MED6: variants seen among roughly 807,000 people sequenced by gnomAD.
MED6 encodes mediator complex subunit 6, also known as mediator of RNA polymerase II transcription subunit 6.
In MED6, 33 loss-of-function variants were observed where a neutral mutation model predicts 37.5. The ratio of observed to expected loss-of-function variants is 0.88; its 90% CI spans 0.67 to 1.18. The LOEUF (loss-of-function observed/expected upper bound fraction) is 1.18, where lower values mean the gene tolerates loss of function less well. Among genes scored for constraint, MED6 ranks in the 50% most tolerant of loss-of-function variants. MED6 has a pLI of 0.00. For synonymous variants in MED6, 94 were observed against 93.6 expected (o/e 1.00, Z -0.02); for missense variants, 235 against 290.6 (o/e 0.81, Z 1.39).
chr14:70,595,662 G>T (rs548313864), intron 3 of MED6: 25 of 959,786 alleles, frequency 2.6e-5, no homozygotes, highest in Non-Finnish European at 3.6e-5. Context: ...GCTGTAGGCT[G>T]AGATCACCAC....
rs138226561 is a variant in MED6 at position 70,598,235 on chromosome 14, T to A, written c.23-458A>T. ...CTTGCACCCAGAAGGTCTCGGAGAT[T>A]GTGGTGAGACGAGATCACACCATTG... On this transcript the variant is annotated intron_variant, in intron 1 of 7. Coordinates refer to ENST00000256379, the MANE Select transcript of MED6 (RefSeq NM_005466.4). 5.0e-3 allele frequency among the ~76,000 whole-genome samples: 762 copies of A among 151,780 alleles called. 6 individuals carry two copies. Among genetic ancestry groups the A allele is most frequent in the South Asian group, 0.031 (148 of 4,788 alleles).
At chr14:70,586,363 CT>C (rs1193056713) in intron 6 of MED6, among the ~76,000 whole-genome samples, 1 of 152,162 alleles carries the variant, frequency 6.6e-6, no homozygotes, top group African/African-American at 2.4e-5. Context: ...AATTCTTTCA[CT>C]TGATTAAGCT....
intron 3 of MED6, chr14:70,595,011 T>C (rs1206233418): frequency 3.5e-6 from 2 of 578,644 alleles, no homozygotes; most frequent in Non-Finnish European, 6.9e-6. Flanking sequence ...CCCACATTGT[T>C]CTGCAGATCG....
intron 7 of MED6, 25 bp downstream of exon 7, chr14:70,585,731 A>T: frequency 6.3e-7 from 1 of 1,575,148 alleles, no homozygotes. Flanking sequence ...TTTCAAGCGT[A>T]ATAAGAATAT....
intron 6 of MED6, among the ~76,000 whole-genome samples, chr14:70,587,588 G>C (rs768094026): frequency 8.5e-5 from 13 of 152,114 alleles, no homozygotes; most frequent in Non-Finnish European, 1.5e-5. Flanking sequence ...ATTGGACACT[G>C]AACTATATTT....
intron 6 of MED6, among the ~76,000 whole-genome samples, chr14:70,587,807 T>C (rs964235316): frequency 6.6e-6 from 1 of 152,144 alleles, no homozygotes. Flanking sequence ...AAACCAGCAA[T>C]AAAAAGACAG....
At position 70,585,789 on chromosome 14, in the gene MED6, AT is replaced by A; in HGVS notation, c.583-7del. On this transcript the variant is annotated splice_polypyrimidine_tract_variant and splice_region_variant and intron_variant, in intron 6 of 7. Coordinates refer to ENST00000256379, the MANE Select transcript of MED6 (RefSeq NM_005466.4). The stretch of plus-strand genomic sequence containing the variant: ...GGCTTTTCTCCAGGCTTTAGCTATA[AT>A]TTTTTAGAAAAAAGGGAGGGAGAGG... The A allele has an allele frequency of 4.4e-6, 7 of 1,600,740 alleles. No homozygotes were observed. The highest frequency in any genetic ancestry group is 2.3e-5 in the South Asian group (2 of 87,764).
Position 70,584,008 on chromosome 14 carries a change from G to T in MED6, c.*805C>A. On this transcript the variant is annotated 3_prime_UTR_variant, in exon 8 of 8. Coordinates refer to ENST00000256379, the MANE Select transcript of MED6 (RefSeq NM_005466.4). ...AAAGAAGTATCTACACACAGAATAA[G>T]ATTAAAATTCACAACACTGTTACAG... 1 of 463,264 alleles carries T rather than the reference G, an allele frequency of 2.2e-6. No homozygotes were observed. Among genetic ancestry groups the T allele is most frequent in the Non-Finnish European group, 3.8e-6 (1 of 262,870 alleles). 28.7% of individuals were successfully genotyped at this position (463,264 alleles called of 1,614,324 possible). A position where few individuals can be genotyped will look rare whatever the true frequency, so the allele number is the denominator to read the frequency against.
chr14:70,592,005 T>C (rs917286210), intron 5 of MED6, among the ~76,000 whole-genome samples: 4 of 152,176 alleles, frequency 2.6e-5, no homozygotes, highest in Admixed American at 2.6e-4. Context: ...AACACTTGGT[T>C]ATCGTAGGGG....
intron 1 of MED6, among the ~76,000 whole-genome samples, chr14:70,599,819 TAATG>T (rs767842226): frequency 8.6e-5 from 13 of 151,144 alleles, no homozygotes; most frequent in South Asian, 2.1e-4. Context: ...ATGAAATAAA[TAATG>T]AAAGACACGT....
intron 3 of MED6, chr14:70,594,651 G>A (rs1437094886): frequency 3.6e-5 from 16 of 443,106 alleles, no homozygotes; most frequent in Non-Finnish European, 5.2e-5. Flanking sequence ...CACGGCCAGC[G>A]TCTATACAGG....
chr14:70,594,906 G>A (rs1884995895), intron 3 of MED6: 1 of 617,472 alleles, frequency 1.6e-6, no homozygotes, highest in East Asian at 3.6e-5. Flanking sequence ...AGGAGCACCT[G>A]GATAAGAAGG....
Position 70,592,995 on chromosome 14 carries a change from A to G in MED6, c.358-7T>C. ...TACCATGCACTGCAGTAAGCTTGTA[A>G]AAGGAAAATAAACTCTAAATTTATC... On this transcript the variant is annotated splice_polypyrimidine_tract_variant and splice_region_variant and intron_variant, in intron 4 of 7. Coordinates refer to ENST00000256379, the MANE Select transcript of MED6 (RefSeq NM_005466.4). 2 of 1,613,112 alleles carry G rather than the reference A, an allele frequency of 1.2e-6. No individual in the cohort carries two copies. Among genetic ancestry groups the G allele is most frequent in the Non-Finnish European group, 1.7e-6 (2 of 1,179,920 alleles).
chr14:70,593,235 T>G (rs761762415), intron 4 of MED6, 61 bp downstream of exon 4: 1 of 1,421,824 alleles, frequency 7.0e-7, no homozygotes. Context: ...GTTTGATTAC[T>G]GGAAGCAAGG....
Position 70,595,406 on chromosome 14 carries a change from G to A in MED6, c.274+1205C>T, listed in dbSNP as rs1223021548. On this transcript the variant is annotated intron_variant, in intron 3 of 7. Coordinates refer to ENST00000256379, the MANE Select transcript of MED6 (RefSeq NM_005466.4). ...TCACTATGCAGTCTGCCAAGGTTGGGGTTGCTAAGGTGACGCTCACGGAGC... is the reference window on the plus strand; with the variant it reads ...TCACTATGCAGTCTGCCAAGGTTGGAGTTGCTAAGGTGACGCTCACGGAGC... The A allele has an allele frequency of 1.4e-5, 8 of 566,396 alleles. 1 individual carries two copies. The highest frequency in any genetic ancestry group is 9.9e-5 in the South Asian group (6 of 60,792). The allele number at this position is 566,396 out of a possible 1,614,324, so 35.1% of individuals were successfully genotyped here.
intron 1 of MED6, among the ~76,000 whole-genome samples, chr14:70,599,744 C>T (rs1885149322): frequency 6.6e-6 from 1 of 152,080 alleles, no homozygotes; most frequent in African/African-American, 2.4e-5. Context: ...CTTTTTTATT[C>T]TGTAGCAAGG....
rs557808301 is a variant in MED6 at position 70,584,313 on chromosome 14, G to A, written c.*500C>T. The A allele has an allele frequency of 1.7e-5, 9 of 544,660 alleles. No individual in the cohort carries two copies. Among genetic ancestry groups the A allele is most frequent in the South Asian group, 1.1e-4 (4 of 36,422 alleles). The allele number at this position is 544,660 out of a possible 1,614,324, so 33.7% of individuals were successfully genotyped here. ...GTGAGTGTGTAGGTTGCTCAAGTCC[G>A]GGAGAGGAAAGGTTACAGAAGACAT... On this transcript the variant is annotated 3_prime_UTR_variant, in exon 8 of 8. Coordinates refer to ENST00000256379, the MANE Select transcript of MED6 (RefSeq NM_005466.4).
Position 70,584,138 on chromosome 14 carries a change from A to G in MED6, c.*675T>C, listed in dbSNP as rs1441333094. On this transcript the variant is annotated 3_prime_UTR_variant, in exon 8 of 8. Transcript: ENST00000256379. Reference sequence around the variant, plus strand: ...ATACTGAGGATTATGTAACTGAACAAAAAGAAATATGCTTAGTTACTACTT... The same window carrying G: ...ATACTGAGGATTATGTAACTGAACAGAAAGAAATATGCTTAGTTACTACTT... The G allele has an allele frequency of 5.4e-6, 4 of 746,652 alleles. No homozygotes were observed. Among genetic ancestry groups the G allele is most frequent in the African/African-American group, 1.7e-5 (1 of 57,536 alleles). The allele number at this position is 746,652 out of a possible 1,614,324, so 46.3% of individuals were successfully genotyped here.
At chr14:70,585,479 C>T (rs550656369) in intron 7 of MED6, among the ~76,000 whole-genome samples, 5 of 152,106 alleles carry the variant, frequency 3.3e-5, no homozygotes, top group African/African-American at 9.6e-5. Context: ...CCACCGCCCA[C>T]GGGCAGCATG....
Sources: gnomAD v4.1 joint callset for allele counts (sites outside exome capture counted in the v4.1 genomes callset) on GRCh38, gnomAD v4.1.1 for gene constraint, MANE v1.5 for transcripts, NCBI Gene and HGNC (gene_info 2026-07-23, HGNC 2026-07-21) for gene names.